Variants in LRRC49 observed in about 807,000 individuals in gnomAD.
LRRC49 encodes the protein leucine rich repeat containing 49.
In LRRC49, 50 loss-of-function variants were observed where a neutral mutation model predicts 83.3. That is an observed-to-expected ratio of 0.60 (90% CI 0.48 to 0.76). The LOEUF is 0.76. Ranked by LOEUF, LRRC49 falls within the 30% of genes least tolerant of loss-of-function variation. The pLI is 0.00. For synonymous variants in LRRC49, 286 were observed against 283.3 expected (o/e 1.01, Z -0.10); for missense variants, 704 against 809.1 (o/e 0.87, Z 1.58).
intron 14 of LRRC49, among the ~76,000 whole-genome samples, chr15:71,023,821 C>T (rs568853910): frequency 5.9e-5 from 9 of 152,270 alleles, no homozygotes; most frequent in African/African-American, 1.9e-4. Flanking sequence ...CTGAGTTCCT[C>T]GGGGGAGAGG....
chr15:70,913,090 A>T (rs751419827), intron 6 of LRRC49, among the ~76,000 whole-genome samples: 8 of 152,166 alleles, frequency 5.3e-5, no homozygotes, highest in Non-Finnish European at 7.3e-5. Context: ...TGTAATATTT[A>T]TAAATAGTTA....
intron 8 of LRRC49, among the ~76,000 whole-genome samples, chr15:70,951,500 G>C (rs1244571526): frequency 6.6e-6 from 1 of 151,918 alleles, no homozygotes; most frequent in Non-Finnish European, 1.5e-5. Flanking sequence ...TGTATCCTTA[G>C]GTATTTTATT....
intron 1 of LRRC49, among the ~76,000 whole-genome samples, chr15:70,871,834 G>C (rs2141076954): frequency 6.7e-6 from 1 of 149,898 alleles, no homozygotes; most frequent in East Asian, 2.0e-4. Context: ...CATCTCAGAC[G>C]ATGGGCGGCC....
In LRRC49 at chr15:71,051,302, C is replaced by T. The variant is rs952399152; in HGVS notation, c.*1690C>T. On this transcript the variant is annotated 3_prime_UTR_variant, in exon 16 of 16. Coordinates refer to ENST00000260382, the MANE Select transcript of LRRC49 (RefSeq NM_017691.5). ...CCTGGCACACAGCAAACACCCAATACGTTGAGCTTTAATTATTACTCTTTT... is the reference window on the plus strand; with the variant it reads ...CCTGGCACACAGCAAACACCCAATATGTTGAGCTTTAATTATTACTCTTTT... 1 of 152,216 alleles carries T rather than the reference C, an allele frequency of 6.6e-6. No individual in the cohort carries two copies. Among genetic ancestry groups the T allele is most frequent in the African/African-American group, 2.4e-5 (1 of 41,450 alleles). 9.4% of individuals were successfully genotyped at this position (152,216 alleles called of 1,614,324 possible). A position where few individuals can be genotyped will look rare whatever the true frequency, so the allele number is the denominator to read the frequency against.
In LRRC49 at chr15:70,903,726, C is replaced by G. The variant is rs565588450; in HGVS notation, c.297-826C>G. Among the ~76,000 whole-genome samples, 11 of 152,280 alleles carry G rather than the reference C, an allele frequency of 7.2e-5. No homozygotes were observed. The East Asian group carries it at 2.1e-3, about 29-fold the overall frequency. ...TTTTCCTTGAGCTGTATTTTAACCTCTCAGAGTAGAATCACGCAGGACCTC... is the reference window on the plus strand; with the variant it reads ...TTTTCCTTGAGCTGTATTTTAACCTGTCAGAGTAGAATCACGCAGGACCTC... On this transcript the variant is annotated intron_variant, in intron 4 of 15. Coordinates refer to ENST00000260382, the MANE Select transcript of LRRC49 (RefSeq NM_017691.5).
At chr15:70,871,524 G>A (rs1485211357) in intron 1 of LRRC49, among the ~76,000 whole-genome samples, 1 of 150,774 alleles carries the variant, frequency 6.6e-6, no homozygotes, top group East Asian at 2.0e-4. Flanking sequence ...CCCAGACGGG[G>A]CGACCGGGCA....
intron 11 of LRRC49, among the ~76,000 whole-genome samples, chr15:70,997,595 A>T (rs917047115): frequency 6.6e-6 from 1 of 152,168 alleles, no homozygotes; most frequent in African/African-American, 2.4e-5. Flanking sequence ...TACTAAAAAT[A>T]TGAAAATTAG....
chr15:70,892,788 C>T, upstream of LRRC49: 5 of 1,610,402 alleles, frequency 3.1e-6, no homozygotes, highest in Non-Finnish European at 4.2e-6. Context: ...TCCATGGTAA[C>T]CCTGAGCAGG....
At chr15:70,991,851 A>G (rs1464511716) in intron 11 of LRRC49, among the ~76,000 whole-genome samples, 1 of 152,248 alleles carries the variant, frequency 6.6e-6, no homozygotes, top group African/African-American at 2.4e-5. Flanking sequence ...TTCATATGCA[A>G]AAAATATATA....
chr15:70,923,474 A>G (rs1459215086), intron 7 of LRRC49, among the ~76,000 whole-genome samples: 1 of 151,714 alleles, frequency 6.6e-6, no homozygotes, highest in African/African-American at 2.4e-5. Flanking sequence ...TTTATTACTA[A>G]CTCCTTCATT....
rs151267038 is a variant in LRRC49, at chr15:70,919,116, T to A, written c.634T>A (p.Leu212Ile). 927 of 1,612,462 alleles carry A rather than the reference T, an allele frequency of 5.7e-4. No homozygotes were observed. The highest frequency in any genetic ancestry group is 5.6e-3 in the Middle Eastern group (34 of 6,056). The change falls in exon 7 of 16, where the codon TTA becomes ATA. Residue 212 changes from leucine to isoleucine, a missense_variant. Physicochemically the swap from Leu to Ile is conservative, Grantham distance 5. Transcript: ENST00000260382. ...AGTTTTAAATCTTGCCAGGAACTTT[T>A]TAAGTCATGTTGATAATCTTAATGG... ...LRVLNLARNF[L>I]SHVDNLNGLD...
chr15:71,045,373 A>T (rs1223424297), intron 15 of LRRC49, among the ~76,000 whole-genome samples: 1 of 152,200 alleles, frequency 6.6e-6, no homozygotes, highest in African/African-American at 2.4e-5. Context: ...ACTTTATCAC[A>T]TATCTATGTG....
intron 6 of LRRC49, among the ~76,000 whole-genome samples, chr15:70,916,328 T>C (rs935236664): frequency 2.0e-5 from 3 of 152,128 alleles, no homozygotes; most frequent in African/African-American, 7.2e-5. Context: ...GGAGTTTCGC[T>C]CTGTCGCCCA....
At chr15:70,899,887 G>T (rs1246523765) in intron 3 of LRRC49, among the ~76,000 whole-genome samples, 2 of 152,090 alleles carry the variant, frequency 1.3e-5, no homozygotes, top group Non-Finnish European at 2.9e-5. Context: ...GCTTTCAGAA[G>T]ATTTTCTTTT....
intron 8 of LRRC49, among the ~76,000 whole-genome samples, chr15:70,958,720 A>C (rs2036489681): frequency 6.6e-6 from 1 of 152,238 alleles, no homozygotes; most frequent in South Asian, 2.1e-4. Flanking sequence ...TAGTTTGTTA[A>C]AAAATGCCTT....
chr15:70,894,361 C>G (rs528976444), intron 2 of LRRC49, among the ~76,000 whole-genome samples: 1 of 152,034 alleles, frequency 6.6e-6, no homozygotes, highest in East Asian at 1.9e-4. Flanking sequence ...ATCCACACAT[C>G]CCATTTAAAA....
chr15:70,981,527 A>G (rs1326893489), intron 10 of LRRC49, among the ~76,000 whole-genome samples: 2 of 152,148 alleles, frequency 1.3e-5, no homozygotes, highest in Non-Finnish European at 2.9e-5. Flanking sequence ...AAAATAAAAA[A>G]AAGAAAATGG....
chr15:71,007,905 T>A (rs994287371), intron 11 of LRRC49, among the ~76,000 whole-genome samples: 1 of 151,552 alleles, frequency 6.6e-6, no homozygotes, highest in Admixed American at 6.6e-5. Flanking sequence ...TACCCCCTAA[T>A]ACAACCTCTG....
Position 70,911,816 on chromosome 15 carries a change from T to A in LRRC49, c.567+218T>A, listed in dbSNP as rs919640317. 2.6e-5 allele frequency among the ~76,000 whole-genome samples: 4 copies of A among 152,316 alleles called. No individual in the cohort carries two copies. In the South Asian group the frequency reaches 6.2e-4, roughly 24 times the overall value. ...AAAACATTTCAAATTCTTATAGTTA[T>A]GACAATTTTGTTTTTTATTAACTTA... On this transcript the variant is annotated intron_variant, in intron 6 of 15. Coordinates refer to ENST00000260382, the MANE Select transcript of LRRC49 (RefSeq NM_017691.5).
Sources: allele counts gnomAD v4.1 joint callset (sites outside exome capture counted in the v4.1 genomes callset), GRCh38; gene constraint gnomAD v4.1.1; transcripts MANE v1.5; gene names NCBI Gene and HGNC (gene_info 2026-07-23, HGNC 2026-07-21).